Variants in NEK11 observed in about 807,000 individuals in gnomAD.
NEK11 encodes NIMA related kinase 11.
Under a neutral mutation model 80.7 loss-of-function variants are expected in NEK11, and 72 were observed. The ratio of observed to expected loss-of-function variants is 0.89; its 90% CI spans 0.74 to 1.08. The LOEUF (loss-of-function observed/expected upper bound fraction) is 1.08. Ranked by LOEUF, NEK11 falls within the 50% of genes least tolerant of loss-of-function variation. NEK11 has a pLI of 0.00. For synonymous variants in NEK11, 251 were observed against 260.7 expected (o/e 0.96, Z 0.36); for missense variants, 764 against 763.6 (o/e 1.00, Z -0.01).
At chr3:131,294,289 G>C (rs901543058) in intron 17 of NEK11, among the ~76,000 whole-genome samples, 1 of 151,918 alleles carries the variant, frequency 6.6e-6, no homozygotes, top group South Asian at 2.1e-4. Flanking sequence ...TTCAAAATAC[G>C]TTAAAATTTA....
intron 4 of NEK11, among the ~76,000 whole-genome samples, chr3:131,087,691 T>G (rs554288275): frequency 6.6e-6 from 1 of 152,256 alleles, no homozygotes; most frequent in African/African-American, 2.4e-5. Context: ...GCGGGTTGAG[T>G]TTTGCAATCT....
chr3:131,190,302 A>C (rs1334201323), intron 14 of NEK11, among the ~76,000 whole-genome samples: 1 of 152,180 alleles, frequency 6.6e-6, no homozygotes, highest in Non-Finnish European at 1.5e-5. Flanking sequence ...TGGAGCCTCC[A>C]TTCAACTGGG....
At chr3:131,168,715 T>C in intron 12 of NEK11, 115 bp from the exon 13 acceptor site, 2 of 680,424 alleles carry the variant, frequency 2.9e-6, no homozygotes, top group Non-Finnish European at 2.5e-6. Flanking sequence ...GTTTCCTATG[T>C]ATACCTTGAT....
At position 131,133,880 on chromosome 3, in the gene NEK11, A is replaced by C; in HGVS notation, c.571A>C (p.Thr191Pro). 6.2e-7 allele frequency: 1 copy of C among 1,612,698 alleles called. No homozygotes were observed. The highest frequency in any genetic ancestry group is 8.5e-7 in the Non-Finnish European group (1 of 1,179,034). The change falls in exon 7 of 18, where the codon ACT becomes CCT. Residue 191 changes from threonine to proline, a missense_variant. By Grantham distance (38) the Thr-to-Pro change is conservative. Transcript: ENST00000383366. ...AATGGGATCCTGTGACCTGGCCACA[A>C]CTTTAACTGGAACTCCCCATTATAT... is the stretch of plus-strand genomic sequence containing the variant. ...LLMGSCDLAT[T>P]LTGTPHYMSP...
At chr3:131,156,031 G>A (rs187695979) in intron 10 of NEK11, among the ~76,000 whole-genome samples, 2 of 152,282 alleles carry the variant, frequency 1.3e-5, no homozygotes, top group East Asian at 1.9e-4. Flanking sequence ...AACTAGAGAT[G>A]TAAGAGTAGT....
chr3:131,161,917 A>G (rs752098593), intron 10 of NEK11, among the ~76,000 whole-genome samples: 1 of 152,242 alleles, frequency 6.6e-6, no homozygotes, highest in African/African-American at 2.4e-5. Flanking sequence ...GGCACTGTGC[A>G]TATGTTATCT....
chr3:131,278,839 G>C (rs2108781376), intron 17 of NEK11, among the ~76,000 whole-genome samples: 1 of 152,086 alleles, frequency 6.6e-6, no homozygotes, highest in South Asian at 2.1e-4. Context: ...CTTAGAGTGT[G>C]GTCCCTGACC....
At chr3:131,291,743 A>G (rs1376358895) in intron 17 of NEK11, among the ~76,000 whole-genome samples, 1 of 151,514 alleles carries the variant, frequency 6.6e-6, no homozygotes, top group Non-Finnish European at 1.5e-5. Flanking sequence ...CCATCTATAT[A>G]TTTTCTTTGG....
At chr3:131,249,876 C>A (rs2095668576) in intron 16 of NEK11, among the ~76,000 whole-genome samples, 1 of 151,930 alleles carries the variant, frequency 6.6e-6, no homozygotes, top group African/African-American at 2.4e-5. Flanking sequence ...ATGCAGTAGC[C>A]AGTATCTGAG....
Position 131,152,431 on chromosome 3 carries a change from G to T in NEK11, c.691G>T (p.Ala231Ser), listed in dbSNP as rs1366499027. ...GTATGAGATGTGCTGCATGAATCATGCATTCGCTGGCTCCAATTTCTTATC... is the reference window on the plus strand; with the variant it reads ...GTATGAGATGTGCTGCATGAATCATTCATTCGCTGGCTCCAATTTCTTATC... ...ILYEMCCMNHAFAGSNFLSIV... is the reference protein window; with the variant it reads ...ILYEMCCMNHSFAGSNFLSIV... Residue 231 changes from alanine to serine, a missense_variant, in exon 8 of 18, where the codon GCA (alanine) becomes TCA (serine). Coordinates refer to ENST00000383366, the MANE Select transcript of NEK11 (RefSeq NM_024800.5). 6.2e-7 allele frequency: 1 copy of T among 1,613,630 alleles called. No homozygotes were observed. Among genetic ancestry groups the T allele is most frequent in the Non-Finnish European group, 8.5e-7 (1 of 1,179,806 alleles).
intron 3 of NEK11, among the ~76,000 whole-genome samples, chr3:131,056,682 G>A (rs181596825): frequency 6.6e-6 from 1 of 152,172 alleles, no homozygotes; most frequent in Non-Finnish European, 1.5e-5. Context: ...ATCATTGCCA[G>A]CTTGTTCTCT....
intron 17 of NEK11, among the ~76,000 whole-genome samples, chr3:131,337,978 T>C (rs2097216314): frequency 6.6e-6 from 1 of 152,182 alleles, no homozygotes; most frequent in Admixed American, 6.5e-5. Flanking sequence ...AGTCTTGCTC[T>C]GTCACCCAGG....
At chr3:131,088,093 T>A (rs2076247272) in intron 4 of NEK11, 1 of 152,208 alleles carries the variant, frequency 6.6e-6, no homozygotes, top group Non-Finnish European at 1.5e-5. Flanking sequence ...GTTTTCAGAG[T>A]GGTGGGTCCC....
intron 3 of NEK11, among the ~76,000 whole-genome samples, chr3:131,042,731 C>T (rs1408430935): frequency 2.0e-5 from 3 of 152,202 alleles, no homozygotes; most frequent in Non-Finnish European, 4.4e-5. Context: ...AAGAGAGCAG[C>T]AGATTTCCCA....
At chr3:131,057,221 C>T (rs1400645084) in intron 3 of NEK11, among the ~76,000 whole-genome samples, 2 of 151,778 alleles carry the variant, frequency 1.3e-5, no homozygotes, top group East Asian at 3.9e-4. Flanking sequence ...ATGAACTCAT[C>T]ATTTTTTATG....
intron 14 of NEK11, among the ~76,000 whole-genome samples, chr3:131,219,556 CA>C (rs11455146): frequency 4.4e-4 from 64 of 144,044 alleles, no homozygotes; most frequent in East Asian, 1.4e-3. Context: ...TTAAAGTATA[CA>C]AAAAAAAAAA....
intron 12 of NEK11, among the ~76,000 whole-genome samples, chr3:131,168,090 C>T (rs2092389520): frequency 1.3e-5 from 2 of 152,334 alleles, no homozygotes; most frequent in South Asian, 4.1e-4. Flanking sequence ...GCCAGGCATC[C>T]TGCCCTCTTT....
intron 17 of NEK11, among the ~76,000 whole-genome samples, chr3:131,335,134 C>T (rs375201283): frequency 1.3e-5 from 2 of 152,190 alleles, no homozygotes; most frequent in Non-Finnish European, 2.9e-5. Flanking sequence ...CCAGCATCAT[C>T]CTGATACCAA....
intron 2 of NEK11, among the ~76,000 whole-genome samples, chr3:131,029,098 T>A (rs2064392011): frequency 6.6e-6 from 1 of 152,176 alleles, no homozygotes; most frequent in Non-Finnish European, 1.5e-5. Flanking sequence ...TCTGTCCTAA[T>A]AAATACAAAA....
Sources: gnomAD v4.1 joint callset for allele counts (sites outside exome capture counted in the v4.1 genomes callset) on GRCh38, gnomAD v4.1.1 for gene constraint, MANE v1.5 for transcripts, NCBI Gene and HGNC (gene_info 2026-07-23, HGNC 2026-07-21) for gene names.